Variants in PDE4D observed in about 807,000 individuals in gnomAD.
PDE4D encodes the protein 3',5'-cyclic-AMP phosphodiesterase 4D.
Under a neutral mutation model 87.4 loss-of-function variants are expected in PDE4D, and 24 were observed. The ratio of observed to expected loss-of-function variants is 0.27; its 90% CI spans 0.20 to 0.39. PDE4D has a LOEUF of 0.39. Among genes scored for constraint, PDE4D ranks in the 10% least tolerant of loss-of-function variants. The pLI, the probability that PDE4D is intolerant of heterozygous loss-of-function variation, is 1.00. For missense variants in PDE4D, 714 were observed against 1,041.0 expected (o/e 0.69, Z 4.32); for synonymous variants, 384 against 383.2 (o/e 1.00, Z -0.02).
At chr5:59,365,444 T>G (rs1167832234) in intron 1 of PDE4D, among the ~76,000 whole-genome samples, 2 of 152,166 alleles carry the variant, frequency 1.3e-5, no homozygotes, top group Non-Finnish European at 2.9e-5. Context: ...CCAGCCTGGC[T>G]GACAGAGTAA....
At chr5:59,725,053 C>T (rs1233012834) in intron 1 of PDE4D, among the ~76,000 whole-genome samples, 1 of 152,038 alleles carries the variant, frequency 6.6e-6, no homozygotes, top group Non-Finnish European at 1.5e-5. Context: ...TTTAATTGGA[C>T]CTTAAGACTG....
intron 1 of PDE4D, among the ~76,000 whole-genome samples, chr5:59,812,683 AAGT>A (rs1768498599): frequency 1.3e-5 from 2 of 152,078 alleles, no homozygotes; most frequent in African/African-American, 2.4e-5. Flanking sequence ...AAAAAAAAAA[AAGT>A]AAATAAATAA....
chr5:59,714,714 T>C (rs530300093), intron 1 of PDE4D, among the ~76,000 whole-genome samples: 7 of 152,344 alleles, frequency 4.6e-5, no homozygotes, highest in Admixed American at 1.3e-4. Flanking sequence ...TGGACTTTCA[T>C]AGTGTTGCTG....
At chr5:60,153,576 T>C (rs984392448) in intron 2 of PDE4D, among the ~76,000 whole-genome samples, 1 of 152,212 alleles carries the variant, frequency 6.6e-6, no homozygotes, top group African/African-American at 2.4e-5. Context: ...CATTCCATGT[T>C]CTTTGAAGCA....
chr5:59,529,993 C>T (rs927753865), intron 1 of PDE4D, among the ~76,000 whole-genome samples: 1 of 152,134 alleles, frequency 6.6e-6, no homozygotes, highest in African/African-American at 2.4e-5. Context: ...ATATGAATCA[C>T]CTGGGATCTT....
At chr5:59,252,735 C>A (rs35304) in intron 1 of PDE4D, among the ~76,000 whole-genome samples, 31,169 of 151,880 alleles carry the variant, frequency 0.21, 3,509 homozygotes, top group Non-Finnish European at 0.25. Context: ...CTATGTTGCC[C>A]AGGCTGGTCT....
At chr5:59,813,341 G>A (rs1324195177) in intron 1 of PDE4D, among the ~76,000 whole-genome samples, 1 of 152,060 alleles carries the variant, frequency 6.6e-6, no homozygotes, top group Non-Finnish European at 1.5e-5. Context: ...GAAGGCATAT[G>A]TGTATATATA....
At chr5:60,050,620 G>A (rs1488298121) in intron 2 of PDE4D, among the ~76,000 whole-genome samples, 2 of 152,160 alleles carry the variant, frequency 1.3e-5, no homozygotes, top group African/African-American at 4.8e-5. Context: ...TGAAGAAACT[G>A]CATCAACTAA....
chr5:60,340,242 G>T (rs1437286629), intron 1 of PDE4D, among the ~76,000 whole-genome samples: 1 of 151,406 alleles, frequency 6.6e-6, no homozygotes, highest in Non-Finnish European at 1.5e-5. Flanking sequence ...TGAATTATCT[G>T]TCTTTTAACA....
intron 1 of PDE4D, among the ~76,000 whole-genome samples, chr5:59,477,373 A>AAAAAAAAAAAT (rs1554190139): frequency 7.0e-6 from 1 of 143,058 alleles, no homozygotes; most frequent in Non-Finnish European, 1.5e-5. Flanking sequence ...AAAAAAAAAA[A>AAAAAAAAAAAT]ATTAAAGAAT....
chr5:59,128,030 G>A (rs1016873801), intron 5 of PDE4D, among the ~76,000 whole-genome samples: 2 of 112,714 alleles, frequency 1.8e-5, no homozygotes, highest in African/African-American at 7.5e-5. Context: ...GTGTGTGTGT[G>A]TGTGTGTGTG....
chr5:59,719,567 G>C (rs942528626), intron 1 of PDE4D, among the ~76,000 whole-genome samples: 4 of 152,064 alleles, frequency 2.6e-5, no homozygotes, highest in African/African-American at 9.7e-5. Flanking sequence ...TCCTGAGCTG[G>C]TACTACTACC....
intron 5 of PDE4D, among the ~76,000 whole-genome samples, chr5:59,075,008 A>T (rs1287243665): frequency 6.6e-6 from 1 of 151,108 alleles, no homozygotes; most frequent in Non-Finnish European, 1.5e-5. Flanking sequence ...GACATAATGG[A>T]GTTTCAATTC....
At chr5:59,715,243 A>T (rs1362176539) in intron 1 of PDE4D, among the ~76,000 whole-genome samples, 4 of 152,222 alleles carry the variant, frequency 2.6e-5, no homozygotes, top group Non-Finnish European at 5.9e-5. Flanking sequence ...GAAGCAACAG[A>T]GTACGCTGAG....
At chr5:59,122,815 A>C (rs2153446989) in intron 5 of PDE4D, among the ~76,000 whole-genome samples, 1 of 152,182 alleles carries the variant, frequency 6.6e-6, no homozygotes, top group Non-Finnish European at 1.5e-5. Context: ...CCAAAGTAAA[A>C]CCCCTTACCT....
At chr5:60,088,616 T>G (rs1284207299) in intron 2 of PDE4D, among the ~76,000 whole-genome samples, 7 of 152,000 alleles carry the variant, frequency 4.6e-5, no homozygotes, top group Non-Finnish European at 1.0e-4. Context: ...AAATATATTT[T>G]TATAAGCCTT....
chr5:60,006,794 T>C (rs938987012), intron 2 of PDE4D, among the ~76,000 whole-genome samples: 1 of 151,972 alleles, frequency 6.6e-6, no homozygotes, highest in Non-Finnish European at 1.5e-5. Flanking sequence ...TCTTTTTTCC[T>C]GAAACTAAGC....
chr5:59,332,929 G>A (rs1466059081), intron 1 of PDE4D, among the ~76,000 whole-genome samples: 1 of 152,200 alleles, frequency 6.6e-6, no homozygotes, highest in Non-Finnish European at 1.5e-5. Flanking sequence ...AAATTGTGGA[G>A]ATGCTGCCTC....
chr5:59,236,454 C>T (rs919490118), intron 1 of PDE4D, among the ~76,000 whole-genome samples: 6 of 152,130 alleles, frequency 3.9e-5, no homozygotes, highest in Non-Finnish European at 7.4e-5. Flanking sequence ...TACTCTGAGT[C>T]GGTAAAGCTG....
Sources: gnomAD v4.1 joint callset for allele counts (sites outside exome capture counted in the v4.1 genomes callset) on GRCh38, gnomAD v4.1.1 for gene constraint, MANE v1.5 for transcripts, NCBI Gene and HGNC (gene_info 2026-07-23, HGNC 2026-07-21) for gene names.